ICE2: variants seen among roughly 807,000 people sequenced by gnomAD.
The protein encoded by ICE2 is little elongation complex subunit 2.
ICE2 carries 87 observed loss-of-function variants against 105.4 expected under a neutral mutation model. The observed-to-expected ratio is 0.83, with a 90% CI of 0.69 to 0.99. The LOEUF (loss-of-function observed/expected upper bound fraction) is 0.99, where lower values mean the gene tolerates loss of function less well. ICE2 is among the 50% of genes least tolerant of loss of function. ICE2 has a pLI of 0.00. For synonymous variants in ICE2, 399 were observed against 392.0 expected (o/e 1.02, Z -0.21); for missense variants, 1,323 against 1,146.7 (o/e 1.15, Z -2.22).
At chr15:60,432,050 C>T (rs2063471514) in intron 13 of ICE2, 66 bp from the exon 14 acceptor site, 1 of 819,460 alleles carries the variant, frequency 1.2e-6, no homozygotes, top group African/African-American at 1.7e-5. Context: ...AATTATAGCT[C>T]CTCAGGCAGA....
At chr15:60,459,637 A>C (rs995934777) in intron 5 of ICE2, among the ~76,000 whole-genome samples, 2 of 152,226 alleles carry the variant, frequency 1.3e-5, no homozygotes, top group African/African-American at 2.4e-5. Context: ...CATATAAAAC[A>C]ATAATGTGGG....
At chr15:60,460,875 T>G (rs751174321) in intron 5 of ICE2, among the ~76,000 whole-genome samples, 8 of 152,220 alleles carry the variant, frequency 5.3e-5, no homozygotes, top group Admixed American at 1.3e-4. Context: ...GAAATCAACA[T>G]AGACTTATTT....
At chr15:60,472,490 G>T (rs1401253313) in intron 3 of ICE2, among the ~76,000 whole-genome samples, 2 of 152,024 alleles carry the variant, frequency 1.3e-5, no homozygotes, top group Non-Finnish European at 2.9e-5. Flanking sequence ...AATAACTTGT[G>T]TATTTTTTCT....
At position 60,449,714 on chromosome 15, in the gene ICE2, C is replaced by T. The variant is rs773312605; in HGVS notation, c.1253G>A (p.Ser418Asn). The change falls in exon 10 of 16, where the codon AGT becomes AAT. Residue 418 changes from serine (S) to asparagine (N), a missense_variant. Ser to Asn is a conservative substitution (Grantham distance 46). Coordinates refer to ENST00000261520, the MANE Select transcript of ICE2 (RefSeq NM_024611.6). The part of the protein sequence containing the change: ...VTTTKVSKSP[S>N]PASTSTVPNM... ...AGGTACTGTGGAAGTACTTGCTGGACTTGGTGATTTTGATACTTTGGTGGT... is the reference window on the plus strand; with the variant it reads ...AGGTACTGTGGAAGTACTTGCTGGATTTGGTGATTTTGATACTTTGGTGGT... 4.6e-5 allele frequency: 75 copies of T among 1,614,128 alleles called. No individual in the cohort carries two copies. The South Asian group carries it at 8.1e-4, about 17-fold the overall frequency.
At position 60,422,839 on chromosome 15, in the gene ICE2, A is replaced by G. The variant is rs1797042101; in HGVS notation, c.*795T>C. On this transcript the variant is annotated 3_prime_UTR_variant, in exon 16 of 16. Transcript: ENST00000261520. ...GGGCAACAGAGCGAGACTCCATCTC[A>G]AAAAAAAAAAAAAGCTTATGCTTTA... is the stretch of plus-strand genomic sequence containing the variant. The G allele has an allele frequency of 7.2e-6, 1 of 139,608 alleles. No homozygotes were observed. The highest frequency in any genetic ancestry group is 2.8e-5 in the African/African-American group (1 of 36,258). The allele number at this position is 139,608 out of a possible 1,614,324, so 8.6% of individuals were successfully genotyped here. A position where few individuals can be genotyped will look rare whatever the true frequency, so the allele number is the denominator to read the frequency against.
In ICE2 at chr15:60,433,087, GT is replaced by G. The variant is rs771963122; in HGVS notation, c.2511-1104del. On this transcript the variant is annotated intron_variant, in intron 13 of 15. Transcript: ENST00000261520. ...ATAGCTAAAGGGAAATAAAACACAG[GT>G]TTTTTTTTTTTTTTGAGACAGAGTC... 7.9e-4 allele frequency among the ~76,000 whole-genome samples: 114 copies of G among 144,494 alleles called. 1 individual carries two copies. The highest frequency in any genetic ancestry group is 2.4e-3 in the South Asian group (11 of 4,516). 94.8% of individuals were successfully genotyped at this position (144,494 alleles called of 152,430 possible).
chr15:60,433,529 T>C (rs1458487576), intron 13 of ICE2, among the ~76,000 whole-genome samples: 1 of 151,914 alleles, frequency 6.6e-6, no homozygotes, highest in Non-Finnish European at 1.5e-5. Context: ...CTTGCTCTTT[T>C]TGCCCAGGTT....
At chr15:60,446,464 C>T (rs1190823902) in intron 11 of ICE2, among the ~76,000 whole-genome samples, 1 of 152,120 alleles carries the variant, frequency 6.6e-6, no homozygotes, top group African/African-American at 2.4e-5. Context: ...GGTGCGATCT[C>T]GGCTCACTGC....
rs2063251145 is a variant in ICE2, at chr15:60,422,447, C to T, written c.*1187G>A. ...GGCCCTGTCTGTAGTTTCTTAAGTCCAAATTTGCTACAGCAACATCAGTTG... is the reference window on the plus strand; with the variant it reads ...GGCCCTGTCTGTAGTTTCTTAAGTCTAAATTTGCTACAGCAACATCAGTTG... On this transcript the variant is annotated 3_prime_UTR_variant, in exon 16 of 16. Coordinates refer to ENST00000261520, the MANE Select transcript of ICE2 (RefSeq NM_024611.6). 6.6e-6 allele frequency: 1 copy of T among 152,118 alleles called. No homozygotes were observed. Among genetic ancestry groups the T allele is most frequent in the South Asian group, 2.1e-4 (1 of 4,820 alleles). The allele number at this position is 152,118 out of a possible 1,614,324, so 9.4% of individuals were successfully genotyped here.
At position 60,448,119 on chromosome 15, in the gene ICE2, CAT is replaced by C; in HGVS notation, c.2144_2145del (p.Tyr715CysfsTer2). On this transcript the variant is annotated frameshift_variant, in exon 11 of 16. Coordinates refer to ENST00000261520, the MANE Select transcript of ICE2 (RefSeq NM_024611.6). LOFTEE classifies it high-confidence loss of function. ...KGRLPYELQDYVEDTSEYLAP... is the reference protein window; with the variant it reads ...KGRLPYELQDXVEDTSEYLAP... ...GCTAGGTATTCCGATGTATCTTCAA[CAT>C]AGTCCTGAAGTTCATATGGCAATCC... 1.2e-6 allele frequency: 2 copies of C among 1,611,844 alleles called. No individual in the cohort carries two copies. The highest frequency in any genetic ancestry group is 1.7e-6 in the Non-Finnish European group (2 of 1,178,344).
intron 4 of ICE2, among the ~76,000 whole-genome samples, chr15:60,467,232 G>T (rs2064456756): frequency 6.6e-6 from 1 of 152,044 alleles, no homozygotes; most frequent in East Asian, 1.9e-4. Context: ...CAAAGTGTTG[G>T]GATTACAGGC....
chr15:60,447,916 G>A, intron 11 of ICE2, 54 bp downstream of exon 11: 6 of 1,369,482 alleles, frequency 4.4e-6, no homozygotes, highest in South Asian at 2.6e-5. Context: ...GGCATGTTAA[G>A]TATCTATTGA....
chr15:60,463,173 C>T (rs898531406), intron 5 of ICE2, among the ~76,000 whole-genome samples: 2 of 152,108 alleles, frequency 1.3e-5, no homozygotes, highest in Non-Finnish European at 2.9e-5. Context: ...TAATTCATTA[C>T]AGGTTTACTG....
chr15:60,431,527 T>G (rs2063461029), intron 14 of ICE2, among the ~76,000 whole-genome samples: 2 of 152,186 alleles, frequency 1.3e-5, no homozygotes, highest in African/African-American at 4.8e-5. Flanking sequence ...CACTAGAAAC[T>G]GACAAAGGTA....
intron 9 of ICE2, among the ~76,000 whole-genome samples, chr15:60,450,663 G>C (rs984241630): frequency 2.6e-5 from 4 of 152,210 alleles, no homozygotes; most frequent in Non-Finnish European, 5.9e-5. Context: ...CCAGCAGTGA[G>C]TAAGAAAGAT....
chr15:60,467,160 G>A (rs970453078), intron 4 of ICE2, among the ~76,000 whole-genome samples: 19 of 151,906 alleles, frequency 1.3e-4, no homozygotes, highest in Admixed American at 2.6e-4. Context: ...ATGGGGTTTC[G>A]CCATGTTGGC....
chr15:60,459,583 C>A (rs897998756), intron 5 of ICE2, among the ~76,000 whole-genome samples: 1 of 151,812 alleles, frequency 6.6e-6, no homozygotes, highest in African/African-American at 2.4e-5. Flanking sequence ...AAACGGTGGG[C>A]CAAAATCTAG....
intron 5 of ICE2, among the ~76,000 whole-genome samples, chr15:60,458,200 A>C (rs1029914387): frequency 6.6e-6 from 1 of 152,160 alleles, no homozygotes; most frequent in Non-Finnish European, 1.5e-5. Flanking sequence ...TGTAGCAAAA[A>C]AATGTTTTAT....
chr15:60,444,873 T>A, intron 11 of ICE2, among the ~76,000 whole-genome samples: 1 of 152,084 alleles, frequency 6.6e-6, no homozygotes, highest in East Asian at 1.9e-4. Flanking sequence ...TTAGTAGAGA[T>A]GGGGTTTCAC....
Sources: allele counts gnomAD v4.1 joint callset (sites outside exome capture counted in the v4.1 genomes callset), GRCh38; gene constraint gnomAD v4.1.1; transcripts MANE v1.5; gene names NCBI Gene and HGNC (gene_info 2026-07-23, HGNC 2026-07-21).